MYO16: variants seen among roughly 807,000 people sequenced by gnomAD.
MYO16 encodes the protein myosin XVI, also known as unconventional myosin-XVI.
In MYO16, 94 loss-of-function variants were observed where a neutral mutation model predicts 205.3. The ratio of observed to expected loss-of-function variants is 0.46; its 90% CI spans 0.39 to 0.54. The LOEUF (loss-of-function observed/expected upper bound fraction) is 0.54, where lower values mean the gene tolerates loss of function less well. MYO16 is among the 20% of genes least tolerant of loss of function. MYO16 has a pLI of 0.00. For missense variants in MYO16, 2,315 were observed against 2,387.5 expected (o/e 0.97, Z 0.63); for synonymous variants, 988 against 954.0 (o/e 1.04, Z -0.66).
intron 13 of MYO16, among the ~76,000 whole-genome samples, chr13:108,887,288 A>G (rs1879947228): frequency 6.6e-6 from 1 of 152,198 alleles, no homozygotes; most frequent in South Asian, 2.1e-4. Context: ...GACACTTTAA[A>G]CAAATAATTA....
intron 4 of MYO16, among the ~76,000 whole-genome samples, chr13:108,774,102 T>G (rs1268623253): frequency 2.0e-5 from 3 of 146,696 alleles, no homozygotes; most frequent in African/African-American, 4.9e-5. Context: ...AAAATGAAAA[T>G]AAATAACAAT....
chr13:108,669,982 T>G (rs1881915492), intron 2 of MYO16, among the ~76,000 whole-genome samples: 1 of 152,122 alleles, frequency 6.6e-6, no homozygotes, highest in South Asian at 2.1e-4. Context: ...ACATGGGGCT[T>G]AAAACCTAGA....
At position 108,820,327 on chromosome 13, in the gene MYO16, A is replaced by C; in HGVS notation, c.868-10A>C. 6.3e-7 allele frequency: 1 copy of C among 1,580,498 alleles called. No homozygotes were observed. Among genetic ancestry groups the C allele is most frequent in the Non-Finnish European group, 8.6e-7 (1 of 1,160,526 alleles). Reference sequence around the variant, plus strand: ...GGTGGTTCCCATTTCAATTATCTTTAATATTTCAGACAAATCTGGTGAAAC... The same window carrying C: ...GGTGGTTCCCATTTCAATTATCTTTCATATTTCAGACAAATCTGGTGAAAC... On this transcript the variant is annotated splice_polypyrimidine_tract_variant and intron_variant, in intron 7 of 34. Transcript: ENST00000457511.
intron 27 of MYO16, among the ~76,000 whole-genome samples, chr13:109,089,617 C>T (rs1888556932): frequency 6.6e-6 from 1 of 152,156 alleles, no homozygotes; most frequent in Admixed American, 6.5e-5. Flanking sequence ...TCTATCATCC[C>T]ATCTCCCATA....
Position 108,990,705 on chromosome 13 carries a change from C to T in MYO16, c.2370-1671C>T, listed in dbSNP as rs113266989. Among the ~76,000 whole-genome samples, 1,103 of 151,742 alleles carry T rather than the reference C, an allele frequency of 7.3e-3. 7 individuals are homozygous for T. The highest frequency in any genetic ancestry group is 0.012 in the Non-Finnish European group (808 of 67,920). On this transcript the variant is annotated intron_variant, in intron 20 of 34. Transcript: ENST00000457511. ...TCTCTCACTGTATTATATTCTTTAC[C>T]GTGAAATTTGTACGAAGGCTTTTAA...
chr13:108,984,559 C>T (rs1044038868), intron 20 of MYO16, among the ~76,000 whole-genome samples: 1 of 152,184 alleles, frequency 6.6e-6, no homozygotes, highest in Non-Finnish European at 1.5e-5. Context: ...TCACAGAAAT[C>T]TTCCACCCCA....
chr13:109,009,035 G>T lies in MYO16; in HGVS notation c.2581G>T (p.Asp861Tyr), dbSNP rs1377968623. 6.3e-7 allele frequency: 1 copy of T among 1,590,776 alleles called. No individual in the cohort carries two copies. Among genetic ancestry groups the T allele is most frequent in the Non-Finnish European group, 8.5e-7 (1 of 1,172,522 alleles). The change falls in exon 22 of 35, where the codon GAC becomes TAC. Residue 861 changes from aspartate to tyrosine, a missense_variant. Coordinates refer to ENST00000457511, the MANE Select transcript of MYO16 (RefSeq NM_001198950.3). ...YSPGNQNGVL[D>Y]FFFQKPSGFL... ...TCCTGGTAACCAGAATGGAGTTTTGGACTTTTTTTTCCAGGTATTCATATA... is the reference window on the plus strand; with the variant it reads ...TCCTGGTAACCAGAATGGAGTTTTGTACTTTTTTTTCCAGGTATTCATATA...
intron 6 of MYO16, among the ~76,000 whole-genome samples, chr13:108,801,667 T>C (rs1200988766): frequency 6.6e-6 from 1 of 152,194 alleles, no homozygotes; most frequent in Non-Finnish European, 1.5e-5. Context: ...TCGGTGCTCA[T>C]CCTGGAAGCC....
intron 4 of MYO16, among the ~76,000 whole-genome samples, chr13:108,784,102 C>T (rs149631523): frequency 3.3e-5 from 5 of 152,326 alleles, no homozygotes; most frequent in Middle Eastern, 3.4e-3. Flanking sequence ...ATGTTTACCT[C>T]GGCCTGCCTA....
At chr13:108,851,057 G>C (rs1877837223) in intron 10 of MYO16, among the ~76,000 whole-genome samples, 1 of 152,162 alleles carries the variant, frequency 6.6e-6, no homozygotes, top group Non-Finnish European at 1.5e-5. Context: ...CATCGTGACT[G>C]TAAGAAGGAT....
chr13:108,788,169 C>A (rs1886513566), intron 5 of MYO16, among the ~76,000 whole-genome samples: 1 of 152,110 alleles, frequency 6.6e-6, no homozygotes, highest in Non-Finnish European at 1.5e-5. Context: ...CCTGTCACAT[C>A]AGGATGCACG....
chr13:109,011,498 C>CTTTTTTTTTTTTTTTT (rs34575828), intron 22 of MYO16, among the ~76,000 whole-genome samples: 74 of 129,822 alleles, frequency 5.7e-4, no homozygotes, highest in Non-Finnish European at 7.8e-4. Flanking sequence ...TTCTTCCTTT[C>CTTTTTTTTTTTTTTTT]TTTTTTTTTT....
intron 33 of MYO16, among the ~76,000 whole-genome samples, chr13:109,175,987 A>G (rs1879156087): frequency 6.6e-6 from 1 of 152,206 alleles, no homozygotes. Flanking sequence ...TTAAGGACAC[A>G]TGTACAAACA....
At chr13:109,052,591 A>G in intron 25 of MYO16, 116 bp downstream of exon 25, 1 of 792,904 alleles carries the variant, frequency 1.3e-6, no homozygotes, top group East Asian at 2.7e-5. Flanking sequence ...ATTCTAATAG[A>G]AAGTATTAAG....
intron 16 of MYO16, among the ~76,000 whole-genome samples, chr13:108,939,998 A>G (rs540125123): frequency 6.6e-6 from 1 of 152,238 alleles, no homozygotes; most frequent in Non-Finnish European, 1.5e-5. Context: ...GGTAAACAGA[A>G]CAACATGCAA....
intron 6 of MYO16, among the ~76,000 whole-genome samples, chr13:108,805,799 G>A (rs1016674185): frequency 1.3e-5 from 2 of 151,972 alleles, no homozygotes; most frequent in African/African-American, 4.8e-5. Flanking sequence ...CTAATCTGGG[G>A]CTGGACATGG....
intron 21 of MYO16, among the ~76,000 whole-genome samples, chr13:109,004,082 T>C (rs1174564534): frequency 3.3e-5 from 5 of 152,234 alleles, no homozygotes; most frequent in African/African-American, 1.2e-4. Flanking sequence ...TAATAGACAT[T>C]ACCTTATTTC....
chr13:109,192,302 A>G (rs1282717470), intron 34 of MYO16, among the ~76,000 whole-genome samples: 1 of 152,170 alleles, frequency 6.6e-6, no homozygotes, highest in Non-Finnish European at 1.5e-5. Flanking sequence ...GATTTTTACT[A>G]TCTGTTTCTG....
chr13:108,721,929 G>T (rs952309982), intron 3 of MYO16, among the ~76,000 whole-genome samples: 22 of 152,124 alleles, frequency 1.4e-4, no homozygotes, highest in African/African-American at 5.3e-4. Flanking sequence ...TGATTAAAGG[G>T]CTTGGTAATT....
Sources: allele counts gnomAD v4.1 joint callset (sites outside exome capture counted in the v4.1 genomes callset), GRCh38; gene constraint gnomAD v4.1.1; transcripts MANE v1.5; gene names NCBI Gene and HGNC (gene_info 2026-07-23, HGNC 2026-07-21).